SMYD3: variants seen among roughly 807,000 people sequenced by gnomAD.
SMYD3 encodes the protein histone-lysine N-methyltransferase SMYD3.
A neutral mutation model predicts 57.7 loss-of-function variants in SMYD3; 36 were observed. The ratio of observed to expected loss-of-function variants is 0.62; its 90% CI spans 0.48 to 0.82. The LOEUF (loss-of-function observed/expected upper bound fraction) is 0.82. SMYD3 is among the 40% of genes least tolerant of loss of function. SMYD3 has a pLI of 0.00. For missense variants in SMYD3, 515 were observed against 538.8 expected (o/e 0.96, Z 0.44); for synonymous variants, 211 against 195.0 (o/e 1.08, Z -0.68).
intron 10 of SMYD3, among the ~76,000 whole-genome samples, chr1:245,839,080 C>T (rs2050253201): frequency 6.6e-6 from 1 of 152,236 alleles, no homozygotes; most frequent in Admixed American, 6.5e-5. Flanking sequence ...TCTGCTTGAC[C>T]TCTGTCTCTG....
intron 5 of SMYD3, among the ~76,000 whole-genome samples, chr1:246,221,568 G>C (rs2063253812): frequency 6.6e-6 from 1 of 152,208 alleles, no homozygotes; most frequent in African/African-American, 2.4e-5. Flanking sequence ...GCATCTCCAA[G>C]TTTCCGGGAT....
chr1:246,263,516 G>C (rs929056039), intron 5 of SMYD3, among the ~76,000 whole-genome samples: 10 of 152,162 alleles, frequency 6.6e-5, no homozygotes, highest in Admixed American at 2.6e-4. Context: ...TCCTTAGTAT[G>C]CAGGAAAATG....
chr1:246,472,977 C>A (rs1222081559), intron 1 of SMYD3, among the ~76,000 whole-genome samples: 1 of 151,460 alleles, frequency 6.6e-6, no homozygotes, highest in East Asian at 1.9e-4. Flanking sequence ...CCTGCTCAGC[C>A]TCCCAAGTAG....
intron 5 of SMYD3, among the ~76,000 whole-genome samples, chr1:246,206,563 A>C (rs1053258541): frequency 6.6e-6 from 1 of 152,196 alleles, no homozygotes; most frequent in African/African-American, 2.4e-5. Flanking sequence ...TTACAGTATT[A>C]TTCTTCTCTT....
intron 10 of SMYD3, among the ~76,000 whole-genome samples, chr1:245,781,452 T>C (rs1572320780): frequency 6.6e-6 from 1 of 152,162 alleles, no homozygotes; most frequent in Non-Finnish European, 1.5e-5. Flanking sequence ...CTATAAAGTA[T>C]AGTACTGGGA....
intron 5 of SMYD3, among the ~76,000 whole-genome samples, chr1:246,047,067 C>T (rs907271122): frequency 8.5e-5 from 13 of 152,156 alleles, no homozygotes; most frequent in African/African-American, 3.1e-4. Context: ...AAATGTCATG[C>T]TTTCTAAACT....
chr1:246,018,781 T>G (rs973475935), intron 5 of SMYD3, among the ~76,000 whole-genome samples: 10 of 151,748 alleles, frequency 6.6e-5, no homozygotes, highest in Non-Finnish European at 1.3e-4. Context: ...TTTTTTTTTT[T>G]TCCTGTAGAG....
chr1:245,888,830 T>C (rs191764418), intron 8 of SMYD3, among the ~76,000 whole-genome samples: 5 of 152,286 alleles, frequency 3.3e-5, no homozygotes, highest in Admixed American at 1.3e-4. Context: ...GTGTTCTACA[T>C]CAACCATGTC....
intron 10 of SMYD3, among the ~76,000 whole-genome samples, chr1:245,830,663 C>T (rs2049781347): frequency 1.3e-5 from 2 of 152,172 alleles, no homozygotes; most frequent in African/African-American, 4.8e-5. Flanking sequence ...ACAGATATTG[C>T]TCAGACTACT....
At chr1:245,817,067 C>A (rs928542805) in intron 10 of SMYD3, among the ~76,000 whole-genome samples, 2 of 151,392 alleles carry the variant, frequency 1.3e-5, no homozygotes, top group Non-Finnish European at 3.0e-5. Context: ...GGCCTGCCTG[C>A]CTCTGTAGGC....
chr1:246,162,739 C>G (rs2062143169), intron 5 of SMYD3, among the ~76,000 whole-genome samples: 1 of 152,176 alleles, frequency 6.6e-6, no homozygotes, highest in Admixed American at 6.5e-5. Flanking sequence ...GGTACAGAGA[C>G]TAGTGGTATG....
At chr1:246,318,281 G>C (rs556854513) in intron 5 of SMYD3, among the ~76,000 whole-genome samples, 1 of 152,214 alleles carries the variant, frequency 6.6e-6, no homozygotes, top group South Asian at 2.1e-4. Flanking sequence ...AGCTGGGCAG[G>C]GGAATCACTT....
At chr1:246,248,717 C>T (rs1355873812) in intron 5 of SMYD3, among the ~76,000 whole-genome samples, 1 of 142,874 alleles carries the variant, frequency 7.0e-6, no homozygotes, top group Admixed American at 7.3e-5. Context: ...TCTTGGCTCA[C>T]TGCAAGCTCT....
At chr1:246,239,405 T>C (rs1234495334) in intron 5 of SMYD3, among the ~76,000 whole-genome samples, 1 of 152,170 alleles carries the variant, frequency 6.6e-6, no homozygotes, top group African/African-American at 2.4e-5. Flanking sequence ...GCTTCATCCA[T>C]GTCCCTACAA....
At chr1:246,148,298 G>A (rs1257867499) in intron 5 of SMYD3, among the ~76,000 whole-genome samples, 1 of 152,124 alleles carries the variant, frequency 6.6e-6, no homozygotes, top group East Asian at 1.9e-4. Flanking sequence ...TCTGCTGAGA[G>A]CTTCAGAGAC....
At chr1:246,399,475 C>CAGAT (rs2066732954) in intron 1 of SMYD3, among the ~76,000 whole-genome samples, 2 of 152,158 alleles carry the variant, frequency 1.3e-5, no homozygotes. Context: ...GCTGGGACTA[C>CAGAT]AGATGTGTGC....
intron 5 of SMYD3, among the ~76,000 whole-genome samples, chr1:246,177,423 T>C (rs879931902): frequency 1.6e-4 from 24 of 152,178 alleles, no homozygotes; most frequent in Non-Finnish European, 3.2e-4. Context: ...ATTCTAGACA[T>C]GGCAGCCTAC....
At chr1:245,796,332 T>C (rs904849832) in intron 10 of SMYD3, among the ~76,000 whole-genome samples, 3 of 146,592 alleles carry the variant, frequency 2.0e-5, no homozygotes, top group Non-Finnish European at 4.4e-5. Flanking sequence ...TTAATGGAGA[T>C]TTGGAATTCT....
At chr1:246,238,643 G>A (rs921657766) in intron 5 of SMYD3, among the ~76,000 whole-genome samples, 2 of 151,912 alleles carry the variant, frequency 1.3e-5, no homozygotes, top group Admixed American at 6.6e-5. Flanking sequence ...TTTCATTTTC[G>A]TTTTTTTGCT....
Sources: allele counts gnomAD v4.1 joint callset (sites outside exome capture counted in the v4.1 genomes callset), GRCh38; gene constraint gnomAD v4.1.1; transcripts MANE v1.5; gene names NCBI Gene and HGNC (gene_info 2026-07-23, HGNC 2026-07-21).